The following LHX8 variants were observed in gnomAD, a reference collection of about 807,000 sequenced individuals.
LHX8 encodes LIM/homeobox protein Lhx8.
LHX8 carries 12 observed loss-of-function variants against 40.3 expected under a neutral mutation model. The ratio of observed to expected loss-of-function variants is 0.30; its 90% CI spans 0.19 to 0.48. LHX8 has a LOEUF of 0.48. Among genes scored for constraint, LHX8 ranks in the 20% least tolerant of loss-of-function variants. The pLI, the probability that LHX8 is intolerant of heterozygous loss-of-function variation, is 0.99. For missense variants in LHX8, 344 were observed against 433.7 expected, an observed-to-expected ratio of 0.79 and a Z score of 1.84; for synonymous variants, 179 against 162.0, an observed-to-expected ratio of 1.10 and a Z score of -0.80.
intron 1 of LHX8, among the ~76,000 whole-genome samples, chr1:75,136,008 A>G (rs1648114099): frequency 6.6e-6 from 1 of 152,216 alleles, no homozygotes; most frequent in Non-Finnish European, 1.5e-5. Flanking sequence ...ATCGGAACAA[A>G]CACCAGGCTT....
chr1:75,167,135 C>G, the LHX8 span, among the ~76,000 whole-genome samples: 5 of 152,198 alleles, frequency 3.3e-5, no homozygotes, highest in African/African-American at 1.2e-4. Flanking sequence ...GGCAGTAGGG[C>G]TGAAGCTACA....
the LHX8 span, among the ~76,000 whole-genome samples, chr1:75,197,207 A>G: frequency 7.2e-5 from 11 of 152,212 alleles, no homozygotes; most frequent in African/African-American, 2.7e-4. Flanking sequence ...TTCATATCGG[A>G]AATTTTTTGC....
At chr1:75,150,943 G>A (rs926816898) in intron 7 of LHX8, among the ~76,000 whole-genome samples, 13 of 152,018 alleles carry the variant, frequency 8.6e-5, no homozygotes, top group African/African-American at 2.7e-4. Context: ...CCAAAGTGAC[G>A]GGATTACAGG....
intron 5 of LHX8, 72 bp from the exon 6 acceptor site, chr1:75,143,773 A>C (rs1376190001): frequency 4.3e-6 from 5 of 1,152,858 alleles, no homozygotes; most frequent in Non-Finnish European, 6.6e-6. Flanking sequence ...AAGAGATATA[A>C]GAAACCTGTT....
chr1:75,163,089 TAC>T (rs544795684), downstream of LHX8, among the ~76,000 whole-genome samples: 1 of 150,698 alleles, frequency 6.6e-6, no homozygotes, highest in Non-Finnish European at 1.5e-5. Flanking sequence ...ACTAAGTCAA[TAC>T]TCTTTAAGTG....
chr1:75,174,633 T>C, the LHX8 span, among the ~76,000 whole-genome samples: 1 of 152,052 alleles, frequency 6.6e-6, no homozygotes, highest in Non-Finnish European at 1.5e-5. Flanking sequence ...AATTTCAGCC[T>C]CAAAAGCCAT....
At chr1:75,188,827 A>G in the LHX8 span, among the ~76,000 whole-genome samples, 2 of 152,208 alleles carry the variant, frequency 1.3e-5, no homozygotes, top group African/African-American at 4.8e-5. Context: ...CTGGGCACCA[A>G]TGACTGTGTT....
At chr1:75,139,622 A>G (rs1648256441) in intron 3 of LHX8, among the ~76,000 whole-genome samples, 1 of 152,140 alleles carries the variant, frequency 6.6e-6, no homozygotes, top group South Asian at 2.1e-4. Context: ...TGTTAATATT[A>G]TTTATTCAGA....
the LHX8 span, among the ~76,000 whole-genome samples, chr1:75,184,171 T>C: frequency 6.6e-6 from 1 of 152,074 alleles, no homozygotes; most frequent in Non-Finnish European, 1.5e-5. Flanking sequence ...TCCCACACAA[T>C]AATGGTGGAG....
chr1:75,174,961 C>T, the LHX8 span, among the ~76,000 whole-genome samples: 3 of 152,100 alleles, frequency 2.0e-5, no homozygotes, highest in African/African-American at 7.2e-5. Flanking sequence ...ATCCCTCACC[C>T]CCTCCTACCC....
chr1:75,190,251 T>C, the LHX8 span, among the ~76,000 whole-genome samples: 1 of 152,192 alleles, frequency 6.6e-6, no homozygotes, highest in Non-Finnish European at 1.5e-5. Flanking sequence ...AAAAACTTTT[T>C]TCTTTATAAC....
intron 8 of LHX8, among the ~76,000 whole-genome samples, chr1:75,158,656 C>G (rs1648833723): frequency 6.6e-6 from 1 of 152,196 alleles, no homozygotes; most frequent in East Asian, 1.9e-4. Context: ...TGCCATAAAT[C>G]AAATGTCCGT....
chr1:75,130,629 C>A, upstream of LHX8: 1 of 1,232,972 alleles, frequency 8.1e-7, no homozygotes, highest in South Asian at 1.2e-5. Flanking sequence ...CCCTCAGAAA[C>A]TGTGGGTAGC....
chr1:75,146,970 A>G (rs893361108), intron 6 of LHX8, among the ~76,000 whole-genome samples: 1 of 152,148 alleles, frequency 6.6e-6, no homozygotes, highest in Non-Finnish European at 1.5e-5. Flanking sequence ...ACATTTTTCT[A>G]TTTGAAAAAT....
At chr1:75,129,571 T>C (rs1647910607), upstream of LHX8, among the ~76,000 whole-genome samples, 3 of 152,282 alleles carry the variant, frequency 2.0e-5, no homozygotes, top group South Asian at 6.2e-4. Flanking sequence ...GGCTAACAAC[T>C]TGAGCTGAGG....
upstream of LHX8, chr1:75,130,993 G>C: frequency 1.8e-6 from 1 of 557,002 alleles, no homozygotes; most frequent in Non-Finnish European, 3.3e-6. Flanking sequence ...GCCTCCTACA[G>C]TCCTATGGCC....
chr1:75,164,676 A>G (rs747216416), downstream of LHX8, among the ~76,000 whole-genome samples: 24 of 150,048 alleles, frequency 1.6e-4, no homozygotes, highest in Admixed American at 1.3e-4. Flanking sequence ...AAAAAACTTT[A>G]TTTATTACTT....
chr1:75,165,071 A>G (rs936777748), downstream of LHX8, among the ~76,000 whole-genome samples: 1 of 152,146 alleles, frequency 6.6e-6, no homozygotes, highest in Admixed American at 6.6e-5. Context: ...TACTAAAGTG[A>G]GCATTCATTA....
chr1:75,175,804 T>C, the LHX8 span, among the ~76,000 whole-genome samples: 2 of 152,290 alleles, frequency 1.3e-5, no homozygotes, highest in East Asian at 3.9e-4. Flanking sequence ...GTATTTCTCC[T>C]AATGCTATCC....
Sources: allele counts gnomAD v4.1 joint callset (sites outside exome capture counted in the v4.1 genomes callset), GRCh38; gene constraint gnomAD v4.1.1; transcripts MANE v1.5; gene names NCBI Gene and HGNC (gene_info 2026-07-23, HGNC 2026-07-21).